Variants in FBXO27 observed in about 807,000 individuals in gnomAD.
FBXO27 encodes F-box only protein 27.
Under a neutral mutation model 28.3 loss-of-function variants are expected in FBXO27, and 28 were observed. The observed-to-expected ratio is 0.99, with a 90% CI of 0.73 to 1.36. The LOEUF (loss-of-function observed/expected upper bound fraction) is 1.36. Among genes scored for constraint, FBXO27 ranks in the 40% most tolerant of loss-of-function variants. The pLI, the probability that FBXO27 is intolerant of heterozygous loss-of-function variation, is 0.00. For synonymous variants in FBXO27, 175 were observed against 167.3 expected (o/e 1.05, Z -0.36); for missense variants, 388 against 394.1 (o/e 0.98, Z 0.13).
intron 2 of FBXO27, chr19:39,014,281 A>G (rs1322471675): frequency 6.6e-6 from 1 of 152,294 alleles, no homozygotes; most frequent in African/African-American, 2.4e-5. Flanking sequence ...TCAGGAAGCC[A>G]CAAGTCAGTG....
intron 4 of FBXO27, chr19:39,030,773 T>G (rs1185721810): frequency 2.0e-6 from 1 of 500,958 alleles, no homozygotes; most frequent in Non-Finnish European, 3.6e-6. Context: ...CGGCTAATTT[T>G]TTTTTTGTAT....
At chr19:39,013,322 A>T (rs1260415825) in intron 2 of FBXO27, among the ~76,000 whole-genome samples, 3 of 152,160 alleles carry the variant, frequency 2.0e-5, no homozygotes, top group Non-Finnish European at 4.4e-5. Flanking sequence ...TTTTGGCAGG[A>T]ATCACAGGTT....
rs1234085485 is a variant in FBXO27 at position 39,024,730 on chromosome 19, G to T, written c.*681C>A. Reference sequence around the variant, plus strand: ...GTAGAGACGGGGTTTCACCATGTTGGCCAGGCTGGTCTTGAACTCCTGACC... The same window carrying T: ...GTAGAGACGGGGTTTCACCATGTTGTCCAGGCTGGTCTTGAACTCCTGACC... On this transcript the variant is annotated 3_prime_UTR_variant, in exon 6 of 6. Transcript: ENST00000292853. 1 of 150,562 alleles carries T rather than the reference G, an allele frequency of 6.6e-6. No individual in the cohort carries two copies. The highest frequency in any genetic ancestry group is 2.0e-4 in the East Asian group (1 of 5,080). 9.3% of individuals were successfully genotyped at this position (150,562 alleles called of 1,614,324 possible).
intron 1 of FBXO27, among the ~76,000 whole-genome samples, chr19:39,018,447 G>A (rs557390462): frequency 6.6e-6 from 1 of 152,282 alleles, no homozygotes; most frequent in East Asian, 1.9e-4. Context: ...GCAGTAAACA[G>A]TGATATCTTC....
chr19:39,021,461 T>C (rs1371991015), downstream of FBXO27, among the ~76,000 whole-genome samples: 1 of 152,148 alleles, frequency 6.6e-6, no homozygotes, highest in Non-Finnish European at 1.5e-5. Context: ...CCACCTCCAC[T>C]TACTGAATAG....
intron 2 of FBXO27, among the ~76,000 whole-genome samples, chr19:39,006,482 C>G (rs1162586675): frequency 1.3e-5 from 2 of 151,976 alleles, no homozygotes; most frequent in African/African-American, 4.8e-5. Flanking sequence ...TCGCTTGAAC[C>G]CGGGAAGCAG....
rs754588336 is a variant in FBXO27, at chr19:39,032,228, G to A, written c.-1C>T. 18 of 1,435,530 alleles carry A rather than the reference G, an allele frequency of 1.3e-5. No individual in the cohort carries two copies. Among genetic ancestry groups the A allele is most frequent in the South Asian group, 3.0e-5 (2 of 67,388 alleles). The allele number at this position is 1,435,530 out of a possible 1,614,324, so 88.9% of individuals were successfully genotyped here. ...GGCCCCTGGAGACCGAGGCGCCCAT[G>A]GTCCCCCCGCCAGGCCCGGCTGTGG... On this transcript the variant is annotated 5_prime_UTR_variant, in exon 2 of 6. Coordinates refer to ENST00000292853, the MANE Select transcript of FBXO27 (RefSeq NM_178820.5). This position sits in a 1 kb window ranked among gnomAD's most constrained non-coding sequence, Gnocchi z 4.7.
In FBXO27 at chr19:39,027,000, C is replaced by G; in HGVS notation, c.578G>C (p.Gly193Ala). 6.2e-7 allele frequency: 1 copy of G among 1,614,094 alleles called. No individual in the cohort carries two copies. ...CATACAGCCGCTGTCGTGTCGGGCT[C>G]CCCACCTGTGGGAGGAAGGAGCCAT... ...RIEICVSDWW[G>A]ARHDSGCMYR... The change falls in exon 5 of 6, where the codon GGA becomes GCA. Residue 193 changes from glycine to alanine, a missense_variant. Transcript: ENST00000292853.
chr19:39,032,205 C>T lies in FBXO27; in HGVS notation c.23G>A (p.Gly8Asp), dbSNP rs953290876. The T allele has an allele frequency of 6.2e-6, 9 of 1,461,376 alleles. No homozygotes were observed. The highest frequency in any genetic ancestry group is 1.5e-5 in the African/African-American group (1 of 66,840). The allele number at this position is 1,461,376 out of a possible 1,614,324, so 90.5% of individuals were successfully genotyped here. A position where few individuals can be genotyped will look rare whatever the true frequency, so the allele number is the denominator to read the frequency against. Reference sequence around the variant, plus strand: ...CGGCGCGGGGACCCGGGCGGCCCGGCCCCTGGAGACCGAGGCGCCCATGGT... The same window carrying T: ...CGGCGCGGGGACCCGGGCGGCCCGGTCCCTGGAGACCGAGGCGCCCATGGT... MGASVSR[G>D]RAARVPAPEP... Residue 8 changes from glycine (G) to aspartate (D), a missense_variant, in exon 2 of 6, where the codon GGC (glycine) becomes GAC (aspartate). By Grantham distance (94) the Gly-to-Asp change is moderately conservative. Transcript: ENST00000292853. The surrounding 1 kb of genome is among the most constrained non-coding windows in gnomAD (Gnocchi z 4.7).
At chr19:39,007,340 G>A (rs557938090) in intron 2 of FBXO27, among the ~76,000 whole-genome samples, 1 of 152,286 alleles carries the variant, frequency 6.6e-6, no homozygotes, top group African/African-American at 2.4e-5. Context: ...CTCTGCCTGA[G>A]GAGTGTGGAC....
At chr19:39,013,233 C>T (rs1002633585) in intron 2 of FBXO27, among the ~76,000 whole-genome samples, 4 of 152,146 alleles carry the variant, frequency 2.6e-5, no homozygotes, top group African/African-American at 9.7e-5. Flanking sequence ...AGAAATGAGG[C>T]GTCTCCCAAG....
At chr19:39,020,356 C>G (rs2072839453), downstream of FBXO27, among the ~76,000 whole-genome samples, 1 of 152,038 alleles carries the variant, frequency 6.6e-6, no homozygotes, top group Non-Finnish European at 1.5e-5. Flanking sequence ...TAGGAAGTAC[C>G]TTGCCAGTTA....
chr19:39,011,673 A>AT (rs1308782312), intron 2 of FBXO27, among the ~76,000 whole-genome samples: 1 of 118,618 alleles, frequency 8.4e-6, no homozygotes, highest in Non-Finnish European at 1.7e-5. Flanking sequence ...TTCTTTTCTT[A>AT]TTTTTCGCAG....
At chr19:39,017,733 T>G (rs1256943182) in intron 1 of FBXO27, among the ~76,000 whole-genome samples, 3 of 150,790 alleles carry the variant, frequency 2.0e-5, no homozygotes, top group East Asian at 3.9e-4. Flanking sequence ...AATTTCTCCC[T>G]TTTTTTTTCT....
In FBXO27 at chr19:39,031,853, C is replaced by G; in HGVS notation, c.364+11G>C. On this transcript the variant is annotated intron_variant, in intron 2 of 5. Coordinates refer to ENST00000292853, the MANE Select transcript of FBXO27 (RefSeq NM_178820.5). ...GCCCAGCATCCTGGACTTCCTCTTC[C>G]GAGATCCCACCTTGGCCGCAGGGGT... The G allele has an allele frequency of 6.8e-7, 1 of 1,469,124 alleles. No homozygotes were observed. Among genetic ancestry groups the G allele is most frequent in the South Asian group, 1.4e-5 (1 of 70,576 alleles). 91.0% of individuals were successfully genotyped at this position (1,469,124 alleles called of 1,614,324 possible).
downstream of FBXO27, among the ~76,000 whole-genome samples, chr19:39,023,407 G>C (rs889807102): frequency 6.6e-6 from 1 of 152,134 alleles, no homozygotes; most frequent in Admixed American, 6.6e-5. Context: ...GGAGGAAAGA[G>C]CACCTATAAA....
intron 2 of FBXO27, among the ~76,000 whole-genome samples, chr19:39,012,582 A>T (rs2072800860): frequency 6.6e-6 from 1 of 152,164 alleles, no homozygotes; most frequent in South Asian, 2.1e-4. Flanking sequence ...CAAGTTGACT[A>T]GAAACACACA....
intron 2 of FBXO27, among the ~76,000 whole-genome samples, chr19:39,013,110 A>G (rs1199622883): frequency 2.0e-5 from 3 of 152,226 alleles, no homozygotes; most frequent in Non-Finnish European, 2.9e-5. Flanking sequence ...ATCAGTAATC[A>G]AACTGCCTTC....
intron 2 of FBXO27, among the ~76,000 whole-genome samples, chr19:39,007,329 T>C (rs901965037): frequency 1.3e-5 from 2 of 152,138 alleles, no homozygotes; most frequent in African/African-American, 4.8e-5. Flanking sequence ...GACAACAGTG[T>C]CTCTGCCTGA....
Sources: allele counts gnomAD v4.1 joint callset (sites outside exome capture counted in the v4.1 genomes callset), GRCh38; gene constraint gnomAD v4.1.1; non-coding constraint Gnocchi (gnomAD v3.1); transcripts MANE v1.5; gene names NCBI Gene and HGNC (gene_info 2026-07-23, HGNC 2026-07-21).